Variants in CCNT2 observed in about 807,000 individuals in gnomAD.
CCNT2 encodes the protein cyclin-T2.
A neutral mutation model predicts 70.0 loss-of-function variants in CCNT2; 18 were observed. The ratio of observed to expected loss-of-function variants is 0.26; its 90% CI spans 0.18 to 0.38. The LOEUF (loss-of-function observed/expected upper bound fraction) is 0.38, where lower values mean the gene tolerates loss of function less well. CCNT2 is among the 10% of genes least tolerant of loss of function. The pLI is 1.00. For missense variants in CCNT2, 734 were observed against 890.2 expected (o/e 0.82, Z 2.23); for synonymous variants, 334 against 313.3 (o/e 1.07, Z -0.70).
intron 2 of CCNT2, among the ~76,000 whole-genome samples, chr2:134,930,581 T>G (rs552788333): frequency 6.2e-4 from 94 of 152,318 alleles, no homozygotes; most frequent in Non-Finnish European, 1.2e-3. Flanking sequence ...TGGATAGCTT[T>G]TAAGAAACAT....
At chr2:134,927,610 G>A (rs1226937297) in intron 2 of CCNT2, among the ~76,000 whole-genome samples, 1 of 152,154 alleles carries the variant, frequency 6.6e-6, no homozygotes, top group Non-Finnish European at 1.5e-5. Flanking sequence ...TATAAAATCA[G>A]ACAGATTTTA....
intron 4 of CCNT2, among the ~76,000 whole-genome samples, chr2:134,941,003 C>G (rs1183553722): frequency 1.3e-5 from 2 of 152,144 alleles, no homozygotes; most frequent in African/African-American, 4.8e-5. Flanking sequence ...GGCACAAAAA[C>G]CTTGCACTTT....
At chr2:134,919,699 G>A (rs769942039) in intron 1 of CCNT2, 111 bp from the exon 2 acceptor site, 47 of 770,466 alleles carry the variant, frequency 6.1e-5, no homozygotes, top group Non-Finnish European at 9.4e-5. Flanking sequence ...CCAGTTTGGG[G>A]TTTGGATTTG....
At chr2:134,937,068 C>A in intron 3 of CCNT2, 99 bp downstream of exon 3, 1 of 743,362 alleles carries the variant, frequency 1.3e-6, no homozygotes, top group Non-Finnish European at 2.1e-6. Context: ...TGGTGCCTTC[C>A]AAATGCTGCT....
At chr2:134,953,039 T>TCAA (rs1479969033) in intron 8 of CCNT2, 191 bp from the exon 9 acceptor site, 19 of 503,372 alleles carry the variant, frequency 3.8e-5, no homozygotes, top group Non-Finnish European at 6.5e-5. Flanking sequence ...AAATGGGTGT[T>TCAA]TTCAATTTTT....
chr2:134,919,968 C>A, intron 2 of CCNT2, 77 bp downstream of exon 2: 1 of 946,380 alleles, frequency 1.1e-6, no homozygotes, highest in South Asian at 1.4e-5. Flanking sequence ...TTGGTCATTG[C>A]GTTGTTGGAT....
At chr2:134,948,443 G>A (rs1399926744) in intron 7 of CCNT2, among the ~76,000 whole-genome samples, 2 of 152,358 alleles carry the variant, frequency 1.3e-5, no homozygotes, top group Non-Finnish European at 2.9e-5. Flanking sequence ...TATACTGAAA[G>A]TTGAGTGTTA....
chr2:134,932,806 A>T (rs923869930), intron 2 of CCNT2, among the ~76,000 whole-genome samples: 5 of 152,196 alleles, frequency 3.3e-5, no homozygotes, highest in African/African-American at 1.2e-4. Flanking sequence ...TTCCTTTGTC[A>T]GTTTGTTACC....
chr2:134,933,481 G>C (rs1680927193), intron 2 of CCNT2, among the ~76,000 whole-genome samples: 1 of 152,124 alleles, frequency 6.6e-6, no homozygotes, highest in African/African-American at 2.4e-5. Flanking sequence ...GCAGCCAGGA[G>C]TGGGCAGGAG....
At chr2:134,944,046 A>G (rs1329442881) in intron 5 of CCNT2, 10 of 984,950 alleles carry the variant, frequency 1.0e-5, no homozygotes, top group Non-Finnish European at 1.2e-5. Context: ...GTCATTAGGA[A>G]GTAGACATCT....
chr2:134,950,280 A>G (rs185920945), intron 7 of CCNT2, among the ~76,000 whole-genome samples: 27 of 152,312 alleles, frequency 1.8e-4, no homozygotes, highest in Admixed American at 1.4e-3. Context: ...TTTGGAGAGC[A>G]ATTGAATAGG....
chr2:134,938,416 G>A (rs966136108), intron 3 of CCNT2, among the ~76,000 whole-genome samples: 2 of 152,140 alleles, frequency 1.3e-5, no homozygotes, highest in African/African-American at 4.8e-5. Context: ...TATTTCCAGA[G>A]TAACTGTAAT....
At chr2:134,936,762 A>G in intron 2 of CCNT2, 79 bp from the exon 3 acceptor site, 1 of 1,384,514 alleles carries the variant, frequency 7.2e-7, no homozygotes, top group Non-Finnish European at 9.8e-7. Context: ...CTCAAAAAAA[A>G]AACAGAAAAG....
intron 5 of CCNT2, chr2:134,945,863 TA>T: frequency 6.7e-7 from 1 of 1,494,722 alleles, no homozygotes; most frequent in Non-Finnish European, 8.9e-7. Context: ...ACTGGCTAGC[TA>T]AAAGCAAATC....
chr2:134,931,067 A>G (rs920770334), intron 2 of CCNT2, among the ~76,000 whole-genome samples: 5 of 150,274 alleles, frequency 3.3e-5, no homozygotes, highest in Admixed American at 6.6e-5. Context: ...AGTTCACGCC[A>G]TTCTCCTGTC....
intron 3 of CCNT2, among the ~76,000 whole-genome samples, chr2:134,937,497 G>A (rs183968753): frequency 1.3e-5 from 2 of 152,212 alleles, no homozygotes; most frequent in East Asian, 3.9e-4. Context: ...TTTTCCTAGA[G>A]TAATGTTCCT....
intron 2 of CCNT2, among the ~76,000 whole-genome samples, chr2:134,933,325 T>C (rs1055376748): frequency 1.3e-5 from 2 of 152,250 alleles, no homozygotes; most frequent in African/African-American, 4.8e-5. Flanking sequence ...TCATTGAAAC[T>C]GAATACAGCC....
chr2:134,947,210 CA>C (rs1477026815), intron 6 of CCNT2, among the ~76,000 whole-genome samples: 4 of 152,166 alleles, frequency 2.6e-5, no homozygotes, highest in Admixed American at 1.3e-4. Flanking sequence ...TGCTGAAAAA[CA>C]AGGCATAGAT....
At chr2:134,922,895 A>G (rs1483980547) in intron 2 of CCNT2, among the ~76,000 whole-genome samples, 1 of 152,074 alleles carries the variant, frequency 6.6e-6, no homozygotes, top group African/African-American at 2.4e-5. Context: ...GCACATCTCC[A>G]ATTTATTTGA....
Sources: allele counts gnomAD v4.1 joint callset (sites outside exome capture counted in the v4.1 genomes callset), GRCh38; gene constraint gnomAD v4.1.1; transcripts MANE v1.5; gene names NCBI Gene and HGNC (gene_info 2026-07-23, HGNC 2026-07-21).